Variants in LYN observed in about 807,000 individuals in gnomAD.
The protein encoded by LYN is LYN proto-oncogene, Src family tyrosine kinase.
A neutral mutation model predicts 65.0 loss-of-function variants in LYN; 12 were observed. That is an observed-to-expected ratio of 0.18 (90% CI 0.12 to 0.30). LYN has a LOEUF of 0.30. LYN is among the 10% of genes least tolerant of loss of function. The probability of loss-of-function intolerance (pLI) is 1.00; values close to 1 mark genes in which losing one functional copy is unlikely to be tolerated. For missense variants in LYN, 380 were observed against 623.2 expected (o/e 0.61, Z 4.16); for synonymous variants, 222 against 221.2 (o/e 1.00, Z -0.03).
chr8:55,920,352 A>G (rs1805908810), intron 1 of LYN, among the ~76,000 whole-genome samples: 1 of 152,148 alleles, frequency 6.6e-6, no homozygotes, highest in Non-Finnish European at 1.5e-5. Context: ...TTGTTTAACA[A>G]TTTTGTTTGT....
chr8:55,985,603 TA>T (rs145957127), intron 10 of LYN, among the ~76,000 whole-genome samples: 1,532 of 152,340 alleles, frequency 0.01, 28 homozygotes, highest in African/African-American at 0.035. Flanking sequence ...TCAAGTTCTT[TA>T]AGGTATTTTG....
intron 10 of LYN, chr8:55,980,257 A>C (rs1032424723): frequency 1.3e-5 from 2 of 151,636 alleles, no homozygotes; most frequent in Non-Finnish European, 1.5e-5. Context: ...GGGTCTCACT[A>C]TTTTATCCAG....
At chr8:55,985,628 A>G (rs1808054631) in intron 10 of LYN, among the ~76,000 whole-genome samples, 1 of 152,214 alleles carries the variant, frequency 6.6e-6, no homozygotes, top group Non-Finnish European at 1.5e-5. Context: ...TAGTTGAAAT[A>G]TAGCACAGCT....
Position 56,010,444 on chromosome 8 carries a change from T to G in LYN, c.*334T>G. On this transcript the variant is annotated 3_prime_UTR_variant, in exon 13 of 13. Transcript: ENST00000519728. The stretch of plus-strand genomic sequence containing the variant: ...CTAGCTCTATGTTTACAAATGGACA[T>G]AGGACTCAAAGTTTCAGAGACCATT... The G allele has an allele frequency of 2.9e-6, 1 of 339,302 alleles. No individual in the cohort carries two copies. The highest frequency in any genetic ancestry group is 2.0e-5 in the African/African-American group (1 of 49,150). The allele number at this position is 339,302 out of a possible 1,614,324, so 21.0% of individuals were successfully genotyped here. A position where few individuals can be genotyped will look rare whatever the true frequency, so the allele number is the denominator to read the frequency against.
Position 55,879,986 on chromosome 8 carries a change from C to G in LYN, c.-123C>G, listed in dbSNP as rs1304731811. The G allele has an allele frequency of 1.1e-5, 3 of 276,824 alleles. No homozygotes were observed. The highest frequency in any genetic ancestry group is 2.2e-5 in the Non-Finnish European group (3 of 133,750). 17.1% of individuals were successfully genotyped at this position (276,824 alleles called of 1,614,324 possible). ...CAGCAGCCCCTCGCCGCGCGTCCAG[C>G]GTTCCCGGCCAGCAGCCTCCCCATA... On this transcript the variant is annotated 5_prime_UTR_variant, in exon 1 of 13. Transcript: ENST00000519728.
intron 10 of LYN, among the ~76,000 whole-genome samples, chr8:55,980,808 C>T (rs1485127072): frequency 6.6e-6 from 1 of 152,096 alleles, no homozygotes; most frequent in Non-Finnish European, 1.5e-5. Context: ...CCATTTTAAC[C>T]ATGTCTAAGT....
chr8:55,909,512 T>G (rs1354207834), intron 1 of LYN, among the ~76,000 whole-genome samples: 1 of 152,236 alleles, frequency 6.6e-6, no homozygotes, highest in African/African-American at 2.4e-5. Context: ...CTGATGGACA[T>G]TTAGGTTGGT....
intron 1 of LYN, among the ~76,000 whole-genome samples, chr8:55,916,479 C>A (rs946073381): frequency 3.9e-5 from 6 of 152,094 alleles, no homozygotes; most frequent in Admixed American, 2.0e-4. Flanking sequence ...AGGGTGCGTG[C>A]GAATATGGTT....
intron 1 of LYN, among the ~76,000 whole-genome samples, chr8:55,910,935 C>T (rs1323064809): frequency 3.5e-5 from 5 of 141,820 alleles, no homozygotes; most frequent in African/African-American, 7.8e-5. Flanking sequence ...CTCGCTCTGA[C>T]GCCCAGGCTG....
chr8:55,953,092 C>T (rs1260429128), intron 7 of LYN, among the ~76,000 whole-genome samples: 1 of 152,214 alleles, frequency 6.6e-6, no homozygotes, highest in Admixed American at 6.5e-5. Flanking sequence ...CCTCCGCCCT[C>T]CCATTCCTGT....
intron 1 of LYN, among the ~76,000 whole-genome samples, chr8:55,908,268 A>T (rs1032119703): frequency 8.2e-5 from 10 of 121,972 alleles, no homozygotes; most frequent in Non-Finnish European, 1.4e-4. Context: ...TATTTGAGAC[A>T]GAGTCTCACT....
At position 56,009,990 on chromosome 8, in the gene LYN, T is replaced by C. The variant is rs56354651; in HGVS notation, c.1419T>C (p.Tyr473=). ...TGGAGAACTGCCCAGATGAGCTCTATGACATTATGAAAATGTGCTGGAAAG... is the reference window on the plus strand; with the variant it reads ...TGGAGAACTGCCCAGATGAGCTCTACGACATTATGAAAATGTGCTGGAAAG... ...PRVENCPDEL[Y]DIMKMCWKEK... is the part of the protein sequence containing the mutation. The change falls in exon 13 of 13, where the codon TAT becomes TAC. Residue 473 remains tyrosine, a synonymous_variant. Transcript: ENST00000519728. 9.4e-5 allele frequency: 151 copies of C among 1,614,084 alleles called. 1 individual carries two copies. The East Asian group carries it at 3.1e-3, about 33-fold the overall frequency.
chr8:55,926,686 A>C (rs1325656267), intron 1 of LYN, among the ~76,000 whole-genome samples: 4 of 152,252 alleles, frequency 2.6e-5, no homozygotes, highest in Non-Finnish European at 4.4e-5. Context: ...TGTTAAGAAG[A>C]AGCACATTAT....
chr8:56,002,132 T>C (rs1015575029), intron 12 of LYN, among the ~76,000 whole-genome samples: 2 of 151,878 alleles, frequency 1.3e-5, no homozygotes, highest in Admixed American at 6.6e-5. Flanking sequence ...AATATAAAAA[T>C]TAGGCTGGGT....
At chr8:55,912,739 A>G (rs1205587537) in intron 1 of LYN, among the ~76,000 whole-genome samples, 1 of 29,630 alleles carries the variant, frequency 3.4e-5, no homozygotes, top group African/African-American at 1.3e-4. Context: ...AAAAAAAAAC[A>G]AAACAAAACA....
intron 10 of LYN, among the ~76,000 whole-genome samples, chr8:55,977,058 G>A (rs759456616): frequency 1.6e-4 from 24 of 152,178 alleles, no homozygotes; most frequent in Non-Finnish European, 2.8e-4. Flanking sequence ...GGTGGTGTGC[G>A]CCTGTAATCC....
At chr8:55,988,875 A>G (rs1808158741) in intron 10 of LYN, among the ~76,000 whole-genome samples, 1 of 151,586 alleles carries the variant, frequency 6.6e-6, no homozygotes, top group Non-Finnish European at 1.5e-5. Context: ...TCTTCTCATT[A>G]AAGTGAAAAA....
At chr8:55,997,021 C>T (rs1475652614) in intron 10 of LYN, among the ~76,000 whole-genome samples, 1 of 151,996 alleles carries the variant, frequency 6.6e-6, no homozygotes, top group African/African-American at 2.4e-5. Context: ...ATTCGCCAGG[C>T]ATGGTGGTGC....
At chr8:55,887,575 TACACAC>T (rs372547745) in intron 1 of LYN, among the ~76,000 whole-genome samples, 4 of 93,462 alleles carry the variant, frequency 4.3e-5, no homozygotes, top group Non-Finnish European at 8.4e-5. Context: ...TATATATATA[TACACAC>T]ACACACACAC....
Sources: allele counts gnomAD v4.1 joint callset (sites outside exome capture counted in the v4.1 genomes callset), GRCh38; gene constraint gnomAD v4.1.1; transcripts MANE v1.5; gene names NCBI Gene and HGNC (gene_info 2026-07-23, HGNC 2026-07-21).